PRR16: variants seen among roughly 807,000 people sequenced by gnomAD.
The protein encoded by PRR16 is protein Largen.
In PRR16, 6 loss-of-function variants were observed where a neutral mutation model predicts 18.2. The ratio of observed to expected loss-of-function variants is 0.33; its 90% CI spans 0.18 to 0.65. The LOEUF (loss-of-function observed/expected upper bound fraction) is 0.65. PRR16 is among the 30% of genes least tolerant of loss of function. The pLI is 0.74. For synonymous variants in PRR16, 151 were observed against 147.8 expected (o/e 1.02, Z -0.16); for missense variants, 412 against 376.6 (o/e 1.09, Z -0.78).
intron 1 of PRR16, among the ~76,000 whole-genome samples, chr5:120,657,909 A>G (rs1206980724): frequency 1.3e-5 from 2 of 151,830 alleles, no homozygotes; most frequent in African/African-American, 4.8e-5. Context: ...TGGGAAGGAT[A>G]TTGACATTCC....
Position 120,559,102 on chromosome 5 carries a change from C to G in PRR16, c.159+94457C>G, listed in dbSNP as rs144396615. Reference sequence around the variant, plus strand: ...TCCCCTTCTATGTGTTGTCTCCTCACTTTATTGATTGTTTCTTTTGCAGTG... The same window carrying G: ...TCCCCTTCTATGTGTTGTCTCCTCAGTTTATTGATTGTTTCTTTTGCAGTG... On this transcript the variant is annotated intron_variant, in intron 1 of 1. Transcript: ENST00000407149. Among the ~76,000 whole-genome samples the G allele has an allele frequency of 3.3e-5, 5 of 151,972 alleles. No homozygotes were observed. The East Asian group carries it at 9.7e-4, about 29-fold the overall frequency.
At chr5:120,757,620 A>G in the PRR16 span, among the ~76,000 whole-genome samples, 156 of 152,210 alleles carry the variant, frequency 1.0e-3, no homozygotes, top group African/African-American at 3.6e-3. Context: ...TTATATGATT[A>G]TAAATACTCC....
chr5:120,667,972 G>A (rs1395196865), intron 1 of PRR16, among the ~76,000 whole-genome samples: 26 of 152,158 alleles, frequency 1.7e-4, no homozygotes, highest in African/African-American at 6.3e-4. Flanking sequence ...TATTAGGTCT[G>A]CTTGGTGCAG....
At chr5:120,727,193 T>C in the PRR16 span, among the ~76,000 whole-genome samples, 1 of 152,090 alleles carries the variant, frequency 6.6e-6, no homozygotes, top group Non-Finnish European at 1.5e-5. Context: ...AAGTTTTGTT[T>C]TTTCTTTATG....
chr5:120,590,045 C>A (rs1248830486), intron 1 of PRR16, among the ~76,000 whole-genome samples: 1 of 152,062 alleles, frequency 6.6e-6, no homozygotes, highest in Non-Finnish European at 1.5e-5. Context: ...TTATTAGGAC[C>A]TGAAGAGCTA....
chr5:120,785,913 C>T, the PRR16 span, among the ~76,000 whole-genome samples: 1 of 151,198 alleles, frequency 6.6e-6, no homozygotes, highest in African/African-American at 2.4e-5. Flanking sequence ...CTAAAGTTAC[C>T]CATTTGCTTT....
intron 1 of PRR16, among the ~76,000 whole-genome samples, chr5:120,564,432 A>G (rs978826805): frequency 2.0e-5 from 3 of 151,954 alleles, no homozygotes; most frequent in Non-Finnish European, 4.4e-5. Context: ...CGACCTTCCG[A>G]CCTCTGGGAT....
At chr5:120,517,729 C>T (rs1425985281) in intron 1 of PRR16, among the ~76,000 whole-genome samples, 2 of 152,174 alleles carry the variant, frequency 1.3e-5, no homozygotes, top group Admixed American at 6.5e-5. Flanking sequence ...CTAGGGAAAA[C>T]TTGGCTTTAT....
At chr5:120,481,929 T>C (rs2112811606) in intron 1 of PRR16, among the ~76,000 whole-genome samples, 1 of 152,258 alleles carries the variant, frequency 6.6e-6, no homozygotes, top group East Asian at 1.9e-4. Context: ...TAACAGAAAA[T>C]TGACTAATGG....
chr5:120,506,928 A>G lies in PRR16; in HGVS notation c.159+42283A>G, dbSNP rs896613495. 6.6e-4 allele frequency among the ~76,000 whole-genome samples: 100 copies of G among 152,242 alleles called. 1 individual carries two copies. The highest frequency in any genetic ancestry group is 2.3e-3 in the African/African-American group (95 of 41,572). ...GGTCCCAAGATCAGAAGGGAGGCTA[A>G]TGGGGGTCAGTATTTTAGCTTTCTG... On this transcript the variant is annotated intron_variant, in intron 1 of 1. Transcript: ENST00000407149.
intron 1 of PRR16, among the ~76,000 whole-genome samples, chr5:120,562,977 G>A (rs550929529): frequency 2.0e-5 from 3 of 152,096 alleles, no homozygotes; most frequent in South Asian, 2.1e-4. Context: ...AATGAGTTTT[G>A]TAACTTCAAA....
chr5:120,684,531 T>A (rs766555171), intron 1 of PRR16, among the ~76,000 whole-genome samples: 4 of 152,172 alleles, frequency 2.6e-5, no homozygotes, highest in Non-Finnish European at 4.4e-5. Flanking sequence ...GAAGGAACTG[T>A]CTCCTTACAT....
intron 1 of PRR16, among the ~76,000 whole-genome samples, chr5:120,682,227 C>G (rs1007988428): frequency 6.6e-6 from 1 of 152,176 alleles, no homozygotes; most frequent in Non-Finnish European, 1.5e-5. Context: ...GCTTGAACCA[C>G]TCTTCTGCCA....
At chr5:120,538,530 A>G (rs1751802373) in intron 1 of PRR16, among the ~76,000 whole-genome samples, 1 of 152,256 alleles carries the variant, frequency 6.6e-6, no homozygotes, top group East Asian at 1.9e-4. Flanking sequence ...AATATATGCT[A>G]TTAAAATGCC....
At chr5:120,532,737 T>A (rs1428581310) in intron 1 of PRR16, among the ~76,000 whole-genome samples, 2 of 149,042 alleles carry the variant, frequency 1.3e-5, no homozygotes, top group Non-Finnish European at 1.5e-5. Context: ...TTATTGGAAA[T>A]TTTTTTTTTA....
At chr5:120,760,739 C>T in the PRR16 span, among the ~76,000 whole-genome samples, 1 of 152,110 alleles carries the variant, frequency 6.6e-6, no homozygotes, top group Non-Finnish European at 1.5e-5. Context: ...CAACCTTCGA[C>T]CAATATCAAA....
intron 1 of PRR16, among the ~76,000 whole-genome samples, chr5:120,528,109 G>C (rs948806861): frequency 2.6e-5 from 4 of 152,140 alleles, no homozygotes; most frequent in Non-Finnish European, 5.9e-5. Context: ...ATGCAATGTT[G>C]AACATCTTAT....
intron 1 of PRR16, among the ~76,000 whole-genome samples, chr5:120,522,242 A>G (rs1286543802): frequency 6.6e-5 from 10 of 152,196 alleles, no homozygotes; most frequent in Non-Finnish European, 1.0e-4. Flanking sequence ...TTGAGGAATC[A>G]CCACACTGTC....
the PRR16 span, among the ~76,000 whole-genome samples, chr5:120,773,446 T>G: frequency 1.3e-5 from 2 of 152,092 alleles, no homozygotes; most frequent in African/African-American, 2.4e-5. Context: ...TAGTCAGTAG[T>G]AGGAGGAATG....
Sources: gnomAD v4.1 joint callset for allele counts (sites outside exome capture counted in the v4.1 genomes callset) on GRCh38, gnomAD v4.1.1 for gene constraint, MANE v1.5 for transcripts, NCBI Gene and HGNC (gene_info 2026-07-23, HGNC 2026-07-21) for gene names.